PRTG: variants seen among roughly 807,000 people sequenced by gnomAD.
PRTG encodes the protein immunoglobulin superfamily, DCC subclass, member 5.
PRTG carries 67 observed loss-of-function variants against 122.5 expected under a neutral mutation model. That is an observed-to-expected ratio of 0.55 (90% CI 0.45 to 0.67). PRTG has a LOEUF of 0.67. Among genes scored for constraint, PRTG ranks in the 30% least tolerant of loss-of-function variants. PRTG has a pLI of 0.00. For synonymous variants in PRTG, 554 were observed against 501.1 expected, an observed-to-expected ratio of 1.11 and a Z score of -1.41; for missense variants, 1,435 against 1,415.4, an observed-to-expected ratio of 1.01 and a Z score of -0.22.
intron 11 of PRTG, among the ~76,000 whole-genome samples, chr15:55,668,707 C>T (rs922869670): frequency 3.3e-5 from 5 of 152,106 alleles, no homozygotes; most frequent in South Asian, 2.1e-4. Context: ...TAAAATCAAA[C>T]TATATTTTAA....
Position 55,718,760 on chromosome 15 carries a change from G to A in PRTG, c.397+21622C>T, listed in dbSNP as rs183740284. Among the ~76,000 whole-genome samples, 3 of 136,882 alleles carry A rather than the reference G, an allele frequency of 2.2e-5. No individual in the cohort carries two copies. In the East Asian group the frequency reaches 6.5e-4, roughly 29 times the overall value. 89.8% of individuals were successfully genotyped at this position (136,882 alleles called of 152,430 possible). On this transcript the variant is annotated intron_variant, in intron 2 of 19. Transcript: ENST00000389286. Reference sequence around the variant, plus strand: ...TTCAAATTACTTTTCTTTTTTTTTTGGAGACAGAGTCTTTCTCTGTCACCC... The same window carrying A: ...TTCAAATTACTTTTCTTTTTTTTTTAGAGACAGAGTCTTTCTCTGTCACCC...
At chr15:55,684,175 T>C (rs1224684621) in intron 2 of PRTG, among the ~76,000 whole-genome samples, 1 of 152,226 alleles carries the variant, frequency 6.6e-6, no homozygotes, top group African/African-American at 2.4e-5. Context: ...ATTTATCTAT[T>C]TGGAGATAAA....
intron 1 of PRTG, among the ~76,000 whole-genome samples, chr15:55,741,541 A>G (rs1465385179): frequency 1.3e-5 from 2 of 152,206 alleles, no homozygotes; most frequent in Admixed American, 1.3e-4. Flanking sequence ...GCCAGGATAA[A>G]GCATTCGATG....
chr15:55,693,085 A>G (rs990640047), intron 2 of PRTG, among the ~76,000 whole-genome samples: 5 of 151,908 alleles, frequency 3.3e-5, no homozygotes, highest in African/African-American at 4.8e-5. Flanking sequence ...CCTGGCTTCA[A>G]GTGATCCACT....
At chr15:55,678,159 ATCAAGCATTTGTAGAACACTGCAGCAAC>A in intron 7 of PRTG, 115 bp from the exon 8 acceptor site, 1 of 696,844 alleles carries the variant, frequency 1.4e-6, no homozygotes, top group Non-Finnish European at 2.3e-6. Flanking sequence ...TAAAATTAAA[ATCAAGCATTTGTAGAACACTGCAGCAAC>A]TATGTGGAAT....
At position 55,638,563 on chromosome 15, in the gene PRTG, GA is replaced by G; in HGVS notation, c.2437del (p.Ser813LeufsTer14). On this transcript the variant is annotated frameshift_variant, in exon 14 of 20. Coordinates refer to ENST00000389286, the MANE Select transcript of PRTG (RefSeq NM_173814.6). LOFTEE classifies it high-confidence loss of function. Reference sequence around the variant, plus strand: ...GTTTTCTTTACCTTCTGGAAGAGTAGAATGGTAGACTACAGGGCTCCAAGGA... The same window carrying G: ...GTTTTCTTTACCTTCTGGAAGAGTAGATGGTAGACTACAGGGCTCCAAGGA... ...SSPWSPVVYH[S>X]TLPEAPAGPP... 1 of 1,609,978 alleles carries G rather than the reference GA, an allele frequency of 6.2e-7. No homozygotes were observed. The highest frequency in any genetic ancestry group is 8.5e-7 in the Non-Finnish European group (1 of 1,178,184).
chr15:55,620,757 T>C lies in PRTG; in HGVS notation c.3104A>G (p.Asp1035Gly), dbSNP rs749501999. ...AGGACCATAGCTATTAATTATCAGG[T>C]CAGTTCCTCCCTGAGGAAATAAAAG... ...NSFIDAKGGT[D>G]LIINSYGPII... The change falls in exon 19 of 20, where the codon GAC (aspartate) becomes GGC (glycine). Residue 1035 changes from aspartate (D) to glycine (G), a missense_variant. Coordinates refer to ENST00000389286, the MANE Select transcript of PRTG (RefSeq NM_173814.6). The C allele has an allele frequency of 6.3e-7, 1 of 1,590,634 alleles. No individual in the cohort carries two copies.
chr15:55,619,641 C>G lies in PRTG; in HGVS notation c.*371G>C, dbSNP rs2059155505. On this transcript the variant is annotated 3_prime_UTR_variant, in exon 20 of 20. Transcript: ENST00000389286. ...GCTTTCAAAAGTCTTCCCTTTGCTCCAGTGATATATTTTATAATCCAGTCA... is the reference window on the plus strand; with the variant it reads ...GCTTTCAAAAGTCTTCCCTTTGCTCGAGTGATATATTTTATAATCCAGTCA... The G allele has an allele frequency of 5.4e-6, 1 of 185,842 alleles. No individual in the cohort carries two copies. Among genetic ancestry groups the G allele is most frequent in the Non-Finnish European group, 1.1e-5 (1 of 89,008 alleles). 11.5% of individuals were successfully genotyped at this position (185,842 alleles called of 1,614,324 possible). A position where few individuals can be genotyped will look rare whatever the true frequency, so the allele number is the denominator to read the frequency against.
At chr15:55,742,736 C>A in intron 1 of PRTG, 102 bp downstream of exon 1, 1 of 1,423,420 alleles carries the variant, frequency 7.0e-7, no homozygotes, top group South Asian at 1.2e-5. Context: ...CGGAGGACCC[C>A]GCCGCGCGCT....
chr15:55,737,456 C>T (rs1318658631), intron 2 of PRTG, among the ~76,000 whole-genome samples: 2 of 152,154 alleles, frequency 1.3e-5, no homozygotes, highest in Non-Finnish European at 2.9e-5. Context: ...TGCAGCCCTG[C>T]TCTGATGTGC....
intron 2 of PRTG, among the ~76,000 whole-genome samples, chr15:55,684,841 G>A (rs1420126259): frequency 6.6e-6 from 1 of 152,050 alleles, no homozygotes; most frequent in East Asian, 1.9e-4. Context: ...GAAGCCCAAG[G>A]GTGCATCTCA....
chr15:55,668,649 G>A (rs958491418), intron 11 of PRTG, among the ~76,000 whole-genome samples: 4 of 152,032 alleles, frequency 2.6e-5, no homozygotes, highest in African/African-American at 9.7e-5. Context: ...TAAATCACAA[G>A]TCTAATGCTT....
At chr15:55,705,112 G>A (rs1307508114) in intron 2 of PRTG, among the ~76,000 whole-genome samples, 1 of 152,076 alleles carries the variant, frequency 6.6e-6, no homozygotes, top group Non-Finnish European at 1.5e-5. Flanking sequence ...CATTTGCTCA[G>A]GGCCACAGAA....
At chr15:55,636,932 C>A (rs2059260818) in intron 15 of PRTG, among the ~76,000 whole-genome samples, 1 of 152,208 alleles carries the variant, frequency 6.6e-6, no homozygotes. Flanking sequence ...CAGGCGTGAG[C>A]CACTGCGCCC....
At position 55,641,183 on chromosome 15, in the gene PRTG, T is replaced by C. The variant is rs763601594; in HGVS notation, c.2067A>G (p.Arg689=). 8 of 1,613,258 alleles carry C rather than the reference T, an allele frequency of 5.0e-6. No homozygotes were observed. The highest frequency in any genetic ancestry group is 6.8e-6 in the Non-Finnish European group (8 of 1,179,542). Residue 689 remains arginine, a synonymous_variant, in exon 12 of 20, where the codon AGA becomes AGG. Coordinates refer to ENST00000389286, the MANE Select transcript of PRTG (RefSeq NM_173814.6). The part of the protein sequence containing the change: ...GLDPRRKYHV[R]LLAYNNIDDG... Reference sequence around the variant, plus strand: ...CGTCTATGTTGTTGTAAGCCAGGAGTCTCACATGATATTTTCTTCTGGGGT... The same window carrying C: ...CGTCTATGTTGTTGTAAGCCAGGAGCCTCACATGATATTTTCTTCTGGGGT...
chr15:55,673,209 G>A (rs1171763294), intron 10 of PRTG, among the ~76,000 whole-genome samples, 162 bp downstream of exon 10: 2 of 152,094 alleles, frequency 1.3e-5, no homozygotes. Flanking sequence ...ATGCAAAAGC[G>A]ACTACTTAAT....
At position 55,742,963 on chromosome 15, in the gene PRTG, C is replaced by G. The variant is rs1035128559; in HGVS notation, c.-32G>C. ...TAGCCGCGCGGGCATGCTCCCCGGC[C>G]GCCCAGAGCCCCTGTCCGTCTGCGG... On this transcript the variant is annotated 5_prime_UTR_variant, in exon 1 of 20. Coordinates refer to ENST00000389286, the MANE Select transcript of PRTG (RefSeq NM_173814.6). The G allele has an allele frequency of 3.4e-6, 5 of 1,467,296 alleles. No individual in the cohort carries two copies. The African/African-American group carries it at 7.4e-5, about 22-fold the overall frequency. The allele number at this position is 1,467,296 out of a possible 1,614,324, so 90.9% of individuals were successfully genotyped here.
At chr15:55,726,641 CAAA>C (rs201283767) in intron 2 of PRTG, among the ~76,000 whole-genome samples, 3 of 93,816 alleles carry the variant, frequency 3.2e-5, no homozygotes, top group African/African-American at 1.0e-4. Flanking sequence ...ATCTTCGTCT[CAAA>C]AAAAAAAAAA....
intron 2 of PRTG, among the ~76,000 whole-genome samples, chr15:55,738,003 TATATA>T (rs1567121661): frequency 2.6e-4 from 20 of 76,824 alleles, no homozygotes; most frequent in South Asian, 9.0e-4. Context: ...TCTCTCTCTC[TATATA>T]TATATATATA....
Sources: gnomAD v4.1 joint callset for allele counts (sites outside exome capture counted in the v4.1 genomes callset) on GRCh38, gnomAD v4.1.1 for gene constraint, MANE v1.5 for transcripts, NCBI Gene and HGNC (gene_info 2026-07-23, HGNC 2026-07-21) for gene names.